RTL4: variants seen among roughly 807,000 people sequenced by gnomAD.
The protein encoded by RTL4 is retrotransposon Gag-like protein 4.
Under a neutral mutation model 5.3 loss-of-function variants are expected in RTL4, and 4 were observed. The ratio of observed to expected loss-of-function variants is 0.75; its 90% CI spans 0.37 to 1.72. The LOEUF (loss-of-function observed/expected upper bound fraction) is 1.72. Among genes scored for constraint, RTL4 ranks in the 40% most tolerant of loss-of-function variants. The probability of loss-of-function intolerance (pLI) is 0.04; values close to 1 mark genes in which losing one functional copy is unlikely to be tolerated. For missense variants in RTL4, 260 were observed against 227.1 expected, an observed-to-expected ratio of 1.14 and a Z score of -0.93; for synonymous variants, 98 against 87.3, an observed-to-expected ratio of 1.12 and a Z score of -0.68.
At chrX:112,385,710 C>T in the RTL4 span, among the ~76,000 whole-genome samples, 1 of 111,803 alleles carries the variant, frequency 8.9e-6, no homozygotes, top group Non-Finnish European at 1.9e-5. Flanking sequence ...TTGGATATAA[C>T]ATTTTTTTCT....
the RTL4 span, among the ~76,000 whole-genome samples, chrX:112,345,872 A>T: frequency 8.9e-6 from 1 of 111,769 alleles, no homozygotes; most frequent in Non-Finnish European, 1.9e-5. Flanking sequence ...ACCAGGCATG[A>T]TAGTCATTAG....
the RTL4 span, among the ~76,000 whole-genome samples, chrX:112,318,411 G>T: frequency 9.0e-6 from 1 of 111,167 alleles, no homozygotes; most frequent in Non-Finnish European, 1.9e-5. Flanking sequence ...TGTATTCCCC[G>T]CTATCTAGAA....
At chrX:112,091,502 C>T in the RTL4 span, among the ~76,000 whole-genome samples, 6 of 111,411 alleles carry the variant, frequency 5.4e-5, no homozygotes, top group Non-Finnish European at 9.5e-5. Flanking sequence ...ATACGTTTGT[C>T]GTTTAAGGGT....
At chrX:112,363,790 A>G in the RTL4 span, among the ~76,000 whole-genome samples, 1 of 111,252 alleles carries the variant, frequency 9.0e-6, no homozygotes, top group Non-Finnish European at 1.9e-5. Flanking sequence ...TCCATATTAA[A>G]CACAACTTTT....
chrX:112,429,090 G>A, the RTL4 span, among the ~76,000 whole-genome samples: 1 of 110,945 alleles, frequency 9.0e-6, no homozygotes, highest in African/African-American at 3.3e-5. Context: ...CTTGTTTTTC[G>A]ATACACTCTG....
chrX:112,361,079 GCA>G, the RTL4 span, among the ~76,000 whole-genome samples: 1 of 111,533 alleles, frequency 9.0e-6, no homozygotes, highest in African/African-American at 3.2e-5. Context: ...AACATTCACA[GCA>G]CTTAAACACA....
At chrX:112,275,653 T>C in the RTL4 span, among the ~76,000 whole-genome samples, 1 of 111,825 alleles carries the variant, frequency 8.9e-6, no homozygotes, top group South Asian at 3.8e-4. Flanking sequence ...GAAAAAAACC[T>C]GGCCTGACGT....
chrX:112,418,820 A>G, the RTL4 span, among the ~76,000 whole-genome samples: 9 of 109,648 alleles, frequency 8.2e-5, no homozygotes, highest in Admixed American at 8.9e-4. Context: ...AAAGTGATAT[A>G]GTAGAGTCTC....
chrX:112,378,776 G>T, the RTL4 span, among the ~76,000 whole-genome samples: 1 of 111,861 alleles, frequency 8.9e-6, no homozygotes, highest in Non-Finnish European at 1.9e-5. Flanking sequence ...ATACAGTGGA[G>T]TGCCACTACC....
the RTL4 span, among the ~76,000 whole-genome samples, chrX:112,325,630 T>C: frequency 6.2e-5 from 7 of 112,121 alleles, no homozygotes; most frequent in African/African-American, 2.3e-4. Context: ...CCCTTCCTTA[T>C]GCCTTATACA....
chrX:112,306,173 A>C, the RTL4 span, among the ~76,000 whole-genome samples: 9 of 111,730 alleles, frequency 8.1e-5, no homozygotes, highest in Non-Finnish European at 1.7e-4. Context: ...GCTGGTGCTC[A>C]TATGTCCATT....
chrX:112,340,960 C>T, the RTL4 span, among the ~76,000 whole-genome samples: 6 of 111,196 alleles, frequency 5.4e-5, no homozygotes, highest in Non-Finnish European at 7.5e-5. Context: ...TCAAGTGATC[C>T]GCCTGCCCTG....
the RTL4 span, among the ~76,000 whole-genome samples, chrX:112,109,128 T>G: frequency 8.9e-6 from 1 of 112,190 alleles, no homozygotes. Context: ...CCAGGTGTTT[T>G]GCTCTCTTAC....
At chrX:112,178,139 A>G in the RTL4 span, among the ~76,000 whole-genome samples, 3 of 111,115 alleles carry the variant, frequency 2.7e-5, no homozygotes, top group African/African-American at 9.8e-5. Context: ...AATCCAATCA[A>G]TGTGGCAGTA....
At chrX:112,105,733 G>A in the RTL4 span, among the ~76,000 whole-genome samples, 1 of 111,338 alleles carries the variant, frequency 9.0e-6, no homozygotes, top group Non-Finnish European at 1.9e-5. Context: ...TGTTGATTTT[G>A]TATCCTACAA....
At chrX:112,191,237 C>A in the RTL4 span, among the ~76,000 whole-genome samples, 1 of 112,006 alleles carries the variant, frequency 8.9e-6, no homozygotes, top group East Asian at 2.8e-4. Context: ...TGTATGTGTC[C>A]TTTCATGATA....
the RTL4 span, among the ~76,000 whole-genome samples, chrX:112,327,350 G>A: frequency 1.2e-3 from 131 of 112,331 alleles, no homozygotes; most frequent in Non-Finnish European, 1.7e-3. Flanking sequence ...CAAGAACTAC[G>A]TGAAGAATGC....
chrX:112,311,057 G>C, the RTL4 span, among the ~76,000 whole-genome samples: 2 of 107,339 alleles, frequency 1.9e-5, no homozygotes, highest in Admixed American at 2.2e-4. Context: ...TACTAGGCCT[G>C]TGTAAGTAGC....
exon 1 of RTL4, chrX:112,454,851 C>T: frequency 8.3e-7 from 1 of 1,211,001 alleles, no homozygotes; most frequent in Non-Finnish European, 1.1e-6. Flanking sequence ...CTAAAAGGGG[C>T]CAAGTCATGC....
Sources: allele counts gnomAD v4.1 joint callset (sites outside exome capture counted in the v4.1 genomes callset), GRCh38; gene constraint gnomAD v4.1.1; transcripts MANE v1.5; gene names NCBI Gene and HGNC (gene_info 2026-07-23, HGNC 2026-07-21).